ZNF461: variants seen among roughly 807,000 people sequenced by gnomAD.
ZNF461 encodes gonadotropin-inducible ovarian transcription factor-1.
In ZNF461, 16 loss-of-function variants were observed where a neutral mutation model predicts 18.3. The observed-to-expected ratio is 0.88, with a 90% CI of 0.59 to 1.33. The LOEUF (loss-of-function observed/expected upper bound fraction) is 1.33. ZNF461 is among the 40% of genes most tolerant of loss of function. The probability of loss-of-function intolerance (pLI) is 0.00; values close to 1 mark genes in which losing one functional copy is unlikely to be tolerated. For missense variants in ZNF461, 595 were observed against 669.9 expected, an observed-to-expected ratio of 0.89 and a Z score of 1.23; for synonymous variants, 179 against 216.9, an observed-to-expected ratio of 0.83 and a Z score of 1.54.
chr19:36,654,448 C>G (rs1057503217), intron 4 of ZNF461, among the ~76,000 whole-genome samples: 12 of 152,094 alleles, frequency 7.9e-5, no homozygotes, highest in Non-Finnish European at 1.5e-4. Context: ...CTCTCTGCAG[C>G]CTTGACCTCC....
chr19:36,640,589 G>A (rs2037406701), intron 5 of ZNF461, among the ~76,000 whole-genome samples: 1 of 152,108 alleles, frequency 6.6e-6, no homozygotes, highest in Non-Finnish European at 1.5e-5. Flanking sequence ...GAAATATTAT[G>A]TAATACCATC....
intron 2 of ZNF461, among the ~76,000 whole-genome samples, chr19:36,663,602 C>T (rs966094498): frequency 1.3e-5 from 2 of 151,056 alleles, no homozygotes; most frequent in Non-Finnish European, 1.5e-5. Context: ...TCACTGCAGC[C>T]GCAAACTCCT....
At chr19:36,642,996 C>T (rs1364469087) in intron 5 of ZNF461, among the ~76,000 whole-genome samples, 3 of 151,850 alleles carry the variant, frequency 2.0e-5, no homozygotes, top group Non-Finnish European at 2.9e-5. Flanking sequence ...CTCGAACTCC[C>T]GACCTCAGGC....
At chr19:36,661,304 T>C (rs1480338133) in intron 2 of ZNF461, among the ~76,000 whole-genome samples, 4 of 151,546 alleles carry the variant, frequency 2.6e-5, no homozygotes, top group African/African-American at 9.7e-5. Flanking sequence ...AGTACCCAAT[T>C]GTAATATGTT....
rs1600429789 is a variant in ZNF461, at chr19:36,651,087, C to T, written c.232+5361G>A. Among the ~76,000 whole-genome samples, 3 of 151,792 alleles carry T rather than the reference C, an allele frequency of 2.0e-5. No homozygotes were observed. The East Asian group carries it at 5.8e-4, about 29-fold the overall frequency. On this transcript the variant is annotated intron_variant, in intron 4 of 5. Coordinates refer to ENST00000588268, the MANE Select transcript of ZNF461 (RefSeq NM_153257.5). ...TCAACTAAAAATACAAAAAATTAGC[C>T]ATGCATGGTGGCAGACGCCTGTAGT...
chr19:36,643,624 T>A, intron 5 of ZNF461, 170 bp downstream of exon 5: 1 of 495,518 alleles, frequency 2.0e-6, no homozygotes. Flanking sequence ...CTACTAGAAG[T>A]GTGATAACGT....
At chr19:36,663,535 T>A (rs2037852488) in intron 2 of ZNF461, among the ~76,000 whole-genome samples, 1 of 150,752 alleles carries the variant, frequency 6.6e-6, no homozygotes, top group Admixed American at 6.6e-5. Context: ...TTTTTTTTTT[T>A]TTTAGACAGA....
intron 4 of ZNF461, among the ~76,000 whole-genome samples, chr19:36,648,511 A>T (rs532015837): frequency 6.6e-4 from 100 of 151,788 alleles, no homozygotes; most frequent in Admixed American, 1.1e-3. Flanking sequence ...TTTTTTTTTT[A>T]AATTAACCAT....
intron 4 of ZNF461, among the ~76,000 whole-genome samples, 173 bp downstream of exon 4, chr19:36,656,275 G>A (rs1376994436): frequency 3.3e-5 from 5 of 152,156 alleles, no homozygotes; most frequent in Admixed American, 2.0e-4. Flanking sequence ...GTGAGCCACC[G>A]CGCCCGGCCT....
chr19:36,638,958 G>A lies in ZNF461; in HGVS notation c.1387C>T (p.His463Tyr). 1 of 1,614,100 alleles carries A rather than the reference G, an allele frequency of 6.2e-7. No homozygotes were observed. Among genetic ancestry groups the A allele is most frequent in the East Asian group, 2.2e-5 (1 of 44,856 alleles). Residue 463 changes from histidine to tyrosine, a missense_variant, in exon 6 of 6, where the codon CAT becomes TAT. Physicochemically the swap from His to Tyr is moderately conservative, Grantham distance 83 (BLOSUM62 2). Coordinates refer to ENST00000588268, the MANE Select transcript of ZNF461 (RefSeq NM_153257.5). Reference protein sequence around the residue: ...CSHLKRHQRIHTGEKPHECMI... With the variant: ...CSHLKRHQRIYTGEKPHECMI... ...CATTCATGAGGTTTCTCACCAGTAT[G>A]AATTCTCTGATGTCTTTTGAGGTGT...
Position 36,638,745 on chromosome 19 carries a change from T to C in ZNF461, c.1600A>G (p.Arg534Gly). The change falls in exon 6 of 6, where the codon AGA becomes GGA. Residue 534 changes from arginine to glycine, a missense_variant. By Grantham distance (125) the Arg-to-Gly change is moderately radical. Transcript: ENST00000588268. ...PYQCGKAFNH[R>G]LQLNLHQTLH... ...GTCTGATGTAAGTTAAGTTGTAATC[T>C]ATGATTAAACGCCTTCCCGCATTGA... The C allele has an allele frequency of 6.2e-7, 1 of 1,614,046 alleles. No homozygotes were observed. The highest frequency in any genetic ancestry group is 8.5e-7 in the Non-Finnish European group (1 of 1,179,930).
Position 36,637,921 on chromosome 19 carries a change from A to G in ZNF461, c.*732T>C. ...TTTTGGTAATTTTTGAATTTTTATA[A>G]TGTGTGCTTTTATTAAACAAAAAAT... On this transcript the variant is annotated 3_prime_UTR_variant, in exon 6 of 6. Coordinates refer to ENST00000588268, the MANE Select transcript of ZNF461 (RefSeq NM_153257.5). 1 of 353,890 alleles carries G rather than the reference A, an allele frequency of 2.8e-6. No homozygotes were observed. Among genetic ancestry groups the G allele is most frequent in the Non-Finnish European group, 5.5e-6 (1 of 180,220 alleles). The allele number at this position is 353,890 out of a possible 1,614,324, so 21.9% of individuals were successfully genotyped here.
Position 36,639,520 on chromosome 19 carries a change from A to G in ZNF461, c.825T>C (p.Cys275=), listed in dbSNP as rs754334505. 1 of 1,613,818 alleles carries G rather than the reference A, an allele frequency of 6.2e-7. No individual in the cohort carries two copies. Among genetic ancestry groups the G allele is most frequent in the Non-Finnish European group, 8.5e-7 (1 of 1,179,868 alleles). The part of the protein sequence containing the change: ...RIHNGEKRYE[C]NECGKAFNYG... Reference sequence around the variant, plus strand: ...AATTAAAGGCCTTCCCACATTCGTTACATTCATAGCGTTTTTCACCATTAT... The same window carrying G: ...AATTAAAGGCCTTCCCACATTCGTTGCATTCATAGCGTTTTTCACCATTAT... The change falls in exon 6 of 6, where the codon TGT becomes TGC. Residue 275 remains cysteine (C), a synonymous_variant. Transcript: ENST00000588268.
At chr19:36,663,167 T>C (rs1181002846) in intron 2 of ZNF461, among the ~76,000 whole-genome samples, 3 of 152,212 alleles carry the variant, frequency 2.0e-5, no homozygotes, top group African/African-American at 7.2e-5. Context: ...TGAATCTTAC[T>C]TAGTCTGTTT....
At chr19:36,661,598 GC>G (rs2037819980) in intron 2 of ZNF461, among the ~76,000 whole-genome samples, 1 of 146,940 alleles carries the variant, frequency 6.8e-6, no homozygotes, top group African/African-American at 2.7e-5. Context: ...ATTTTATAGA[GC>G]CAGCATTGCC....
chr19:36,638,481 CAGAAACAGCATT>C lies in ZNF461; in HGVS notation c.*160_*171del. The C allele has an allele frequency of 3.8e-6, 2 of 523,396 alleles. No homozygotes were observed. Among genetic ancestry groups the C allele is most frequent in the Non-Finnish European group, 3.3e-6 (1 of 305,804 alleles). 32.4% of individuals were successfully genotyped at this position (523,396 alleles called of 1,614,324 possible). A position where few individuals can be genotyped will look rare whatever the true frequency, so the allele number is the denominator to read the frequency against. On this transcript the variant is annotated 3_prime_UTR_variant, in exon 6 of 6. Transcript: ENST00000588268. ...CTCAATAATGGTTAATACAATAACT[CAGAAACAGCATT>C]AAAATGAGACCAAAATTTACACTTT...
At chr19:36,665,449 G>A (rs568056591) in intron 1 of ZNF461, among the ~76,000 whole-genome samples, 2 of 152,146 alleles carry the variant, frequency 1.3e-5, no homozygotes, top group Non-Finnish European at 2.9e-5. Context: ...GGTGGCTCAC[G>A]CCTGTAATCC....
chr19:36,666,304 G>A (rs2037936013), intron 1 of ZNF461, among the ~76,000 whole-genome samples: 1 of 152,016 alleles, frequency 6.6e-6, no homozygotes, highest in Non-Finnish European at 1.5e-5. Context: ...ACGTTGGCCA[G>A]GCTGGTATCG....
At chr19:36,659,320 T>A (rs2037778546) in intron 2 of ZNF461, among the ~76,000 whole-genome samples, 1 of 152,388 alleles carries the variant, frequency 6.6e-6, no homozygotes, top group African/African-American at 2.4e-5. Flanking sequence ...TCTGCTCAGA[T>A]TGTGGATTTG....
Sources: allele counts gnomAD v4.1 joint callset (sites outside exome capture counted in the v4.1 genomes callset), GRCh38; gene constraint gnomAD v4.1.1; transcripts MANE v1.5; gene names NCBI Gene and HGNC (gene_info 2026-07-23, HGNC 2026-07-21).